PDE4D: variants seen among roughly 807,000 people sequenced by gnomAD.
The protein encoded by PDE4D is 3',5'-cyclic-AMP phosphodiesterase 4D.
In PDE4D, 24 loss-of-function variants were observed where a neutral mutation model predicts 87.4. The observed-to-expected ratio is 0.27, with a 90% CI of 0.20 to 0.39. The LOEUF (loss-of-function observed/expected upper bound fraction) is 0.39. PDE4D is among the 10% of genes least tolerant of loss of function. PDE4D has a pLI of 1.00. For missense variants in PDE4D, 714 were observed against 1,041.0 expected, an observed-to-expected ratio of 0.69 and a Z score of 4.32; for synonymous variants, 384 against 383.2, an observed-to-expected ratio of 1.00 and a Z score of -0.02.
Position 60,033,820 on chromosome 5 carries a change from C to T in PDE4D, c.43-45103G>A, listed in dbSNP as rs367634640. ...AATCAGTGCAGTGAAAGTAAAGCAC[C>T]CAGAGAAATTTGGCAATAGGCATGT... On this transcript the variant is annotated intron_variant, in intron 2 of 16. Coordinates refer to the PDE4D transcript ENST00000502484. Among the ~76,000 whole-genome samples the T allele has an allele frequency of 2.2e-4, 33 of 152,154 alleles. 1 individual carries two copies. In the South Asian group the frequency reaches 6.8e-3, roughly 32 times the overall value.
chr5:59,316,539 T>C (rs1320040739), intron 1 of PDE4D, among the ~76,000 whole-genome samples: 1 of 152,180 alleles, frequency 6.6e-6, no homozygotes, highest in African/African-American at 2.4e-5. Context: ...TAAATTTCCA[T>C]CTTGCTGTTG....
At chr5:59,067,449 T>C (rs1208987453) in intron 5 of PDE4D, among the ~76,000 whole-genome samples, 1 of 152,188 alleles carries the variant, frequency 6.6e-6, no homozygotes, top group African/African-American at 2.4e-5. Context: ...TGACAATATG[T>C]TTCAATTAGT....
At chr5:59,925,919 G>A (rs1223963215) in intron 3 of PDE4D, among the ~76,000 whole-genome samples, 3 of 152,028 alleles carry the variant, frequency 2.0e-5, no homozygotes, top group African/African-American at 7.2e-5. Context: ...AATAATAGCT[G>A]GAGAGTTCAA....
chr5:59,183,762 C>G (rs1742246395), intron 4 of PDE4D, among the ~76,000 whole-genome samples: 1 of 152,202 alleles, frequency 6.6e-6, no homozygotes. Flanking sequence ...ACAGGTACCT[C>G]AAAGCATGCC....
intron 1 of PDE4D, among the ~76,000 whole-genome samples, chr5:60,437,070 CCACA>C (rs1402585385): frequency 6.6e-6 from 1 of 151,922 alleles, no homozygotes; most frequent in Non-Finnish European, 1.5e-5. Flanking sequence ...TTTTTCTCCC[CCACA>C]CAATCACTTT....
chr5:58,977,039 C>G (rs1335603436), intron 12 of PDE4D, among the ~76,000 whole-genome samples, 152 bp downstream of exon 12: 1 of 152,172 alleles, frequency 6.6e-6, no homozygotes, highest in Non-Finnish European at 1.5e-5. Flanking sequence ...CAGAACATCA[C>G]AGCCAGCATC....
At chr5:60,442,053 C>T (rs1745266080) in intron 1 of PDE4D, among the ~76,000 whole-genome samples, 1 of 152,172 alleles carries the variant, frequency 6.6e-6, no homozygotes, top group East Asian at 1.9e-4. Flanking sequence ...GGATCTAGAA[C>T]CAGATACACC....
At chr5:59,610,273 T>G (rs295965) in intron 1 of PDE4D, among the ~76,000 whole-genome samples, 131,344 of 152,230 alleles carry the variant, frequency 0.86, 56,728 homozygotes, top group South Asian at 0.93. Context: ...TGCTGGAGAA[T>G]ATGAGCATAG....
intron 1 of PDE4D, among the ~76,000 whole-genome samples, chr5:60,332,873 G>A (rs10461451): frequency 0.26 from 38,786 of 152,060 alleles, 5,412 homozygotes; most frequent in East Asian, 0.48. Flanking sequence ...ATCCCTAACA[G>A]AGAAGTCAAA....
chr5:59,572,262 T>A (rs1041121205), intron 1 of PDE4D, among the ~76,000 whole-genome samples: 1 of 152,224 alleles, frequency 6.6e-6, no homozygotes, highest in African/African-American at 2.4e-5. Context: ...TAAAATCTAG[T>A]GCTATAATGG....
intron 6 of PDE4D, among the ~76,000 whole-genome samples, chr5:59,007,174 T>C (rs1237601133): frequency 1.3e-5 from 2 of 151,874 alleles, no homozygotes; most frequent in African/African-American, 4.8e-5. Context: ...ACATAAGGAG[T>C]TTTCCAGGCA....
intron 2 of PDE4D, among the ~76,000 whole-genome samples, chr5:59,207,404 G>C (rs1372591163): frequency 1.3e-5 from 2 of 151,964 alleles, no homozygotes; most frequent in African/African-American, 2.4e-5. Flanking sequence ...GAGGCAGGAA[G>C]AATCAGTAAT....
At chr5:59,383,149 A>C (rs900652141) in intron 1 of PDE4D, among the ~76,000 whole-genome samples, 1 of 152,180 alleles carries the variant, frequency 6.6e-6, no homozygotes, top group African/African-American at 2.4e-5. Flanking sequence ...TTCCCGGTGT[A>C]AATTCAAGTG....
At chr5:59,884,449 T>C (rs181910807) in intron 1 of PDE4D, among the ~76,000 whole-genome samples, 15 of 152,148 alleles carry the variant, frequency 9.9e-5, no homozygotes, top group African/African-American at 3.4e-4. Flanking sequence ...AATTGCTTTT[T>C]CCACATAACA....
chr5:60,435,401 T>C (rs1266273466), intron 1 of PDE4D, among the ~76,000 whole-genome samples: 1 of 152,100 alleles, frequency 6.6e-6, no homozygotes, highest in Non-Finnish European at 1.5e-5. Context: ...ATCTTTAAGA[T>C]GTTTTAGAAA....
At position 60,335,209 on chromosome 5, in the gene PDE4D, G is replaced by C. The variant is rs1319686819; in HGVS notation, c.-89-149522C>G. On this transcript the variant is annotated intron_variant, in intron 1 of 16. Coordinates refer to the PDE4D transcript ENST00000502484. ...AACCACTAATACGCTATTGCAATAG[G>C]GAAGGGAGTGCAGTGTGAACTGAAC... is the stretch of plus-strand genomic sequence containing the variant. 6 of 152,184 alleles carry C rather than the reference G, an allele frequency of 3.9e-5. No individual in the cohort carries two copies. The East Asian group carries it at 1.2e-3, about 29-fold the overall frequency. The allele number at this position is 152,184 out of a possible 1,614,324, so 9.4% of individuals were successfully genotyped here.
intron 5 of PDE4D, among the ~76,000 whole-genome samples, chr5:59,148,506 A>G (rs560207997): frequency 6.6e-6 from 1 of 152,248 alleles, no homozygotes; most frequent in African/African-American, 2.4e-5. Context: ...CCACACCTCA[A>G]ACAGTGTGGA....
At chr5:59,058,697 C>G (rs1268222054) in intron 5 of PDE4D, among the ~76,000 whole-genome samples, 3 of 151,994 alleles carry the variant, frequency 2.0e-5, no homozygotes, top group East Asian at 3.9e-4. Context: ...AGGCAGCTCT[C>G]TCAATCACAG....
chr5:59,313,010 A>G (rs71626149), intron 1 of PDE4D, among the ~76,000 whole-genome samples: 47 of 152,030 alleles, frequency 3.1e-4, no homozygotes, highest in Non-Finnish European at 5.0e-4. Context: ...TGGAAGAGGG[A>G]CTGCCCTGGG....
Sources: gnomAD v4.1 joint callset for allele counts (sites outside exome capture counted in the v4.1 genomes callset) on GRCh38, gnomAD v4.1.1 for gene constraint, MANE v1.5 for transcripts, NCBI Gene and HGNC (gene_info 2026-07-23, HGNC 2026-07-21) for gene names.